PRTFDC1: variants seen among roughly 807,000 people sequenced by gnomAD.
The protein encoded by PRTFDC1 is phosphoribosyl transferase domain containing 1.
PRTFDC1 carries 38 observed loss-of-function variants against 34.6 expected under a neutral mutation model. The ratio of observed to expected loss-of-function variants is 1.10; its 90% CI spans 0.85 to 1.44. The LOEUF (loss-of-function observed/expected upper bound fraction) is 1.44, where lower values mean the gene tolerates loss of function less well. Among genes scored for constraint, PRTFDC1 ranks in the 40% most tolerant of loss-of-function variants. PRTFDC1 has a pLI of 0.00. For synonymous variants in PRTFDC1, 93 were observed against 98.1 expected, an observed-to-expected ratio of 0.95 and a Z score of 0.31; for missense variants, 270 against 283.0, an observed-to-expected ratio of 0.95 and a Z score of 0.33.
chr10:24,881,780 C>T (rs1202706055), intron 3 of PRTFDC1, among the ~76,000 whole-genome samples: 1 of 152,208 alleles, frequency 6.6e-6, no homozygotes, highest in South Asian at 2.1e-4. Context: ...CAATGAACAC[C>T]GACCACCGTT....
At chr10:24,876,840 G>A (rs372417663) in intron 3 of PRTFDC1, among the ~76,000 whole-genome samples, 32 of 63,738 alleles carry the variant, frequency 5.0e-4, no homozygotes, top group East Asian at 3.8e-3. Context: ...CCAACCCCCC[G>A]CCCCCCGACT....
chr10:24,923,270 C>A (rs943837635), intron 3 of PRTFDC1, among the ~76,000 whole-genome samples: 1 of 152,212 alleles, frequency 6.6e-6, no homozygotes, highest in East Asian at 1.9e-4. Flanking sequence ...TAAACATCCC[C>A]GTCTGATAGC....
chr10:24,879,182 C>T (rs1848022954), intron 3 of PRTFDC1, among the ~76,000 whole-genome samples: 1 of 152,098 alleles, frequency 6.6e-6, no homozygotes, highest in African/African-American at 2.4e-5. Flanking sequence ...TCCTCGTTTT[C>T]CAATCACTCG....
intron 3 of PRTFDC1, among the ~76,000 whole-genome samples, chr10:24,906,084 G>A (rs1848530404): frequency 6.6e-6 from 1 of 152,154 alleles, no homozygotes; most frequent in African/African-American, 2.4e-5. Context: ...GGATGTCCAG[G>A]CTGTTCTTTG....
intron 3 of PRTFDC1, among the ~76,000 whole-genome samples, chr10:24,921,242 A>C (rs1848782322): frequency 6.6e-6 from 1 of 152,158 alleles, no homozygotes. Flanking sequence ...AGAATATCAC[A>C]CATTTTCATT....
At chr10:24,940,605 G>C (rs1414569059) in intron 2 of PRTFDC1, among the ~76,000 whole-genome samples, 1 of 152,190 alleles carries the variant, frequency 6.6e-6, no homozygotes, top group East Asian at 1.9e-4. Flanking sequence ...GCTGCTGGTG[G>C]CAATGTAACA....
intron 3 of PRTFDC1, among the ~76,000 whole-genome samples, chr10:24,887,953 G>T (rs558797436): frequency 9.2e-5 from 14 of 152,204 alleles, no homozygotes; most frequent in African/African-American, 2.4e-4. Flanking sequence ...TAGAGACAGG[G>T]TCTCACTATA....
intron 4 of PRTFDC1, 59 bp from the exon 5 acceptor site, chr10:24,858,468 T>C (rs1442560146): frequency 6.4e-7 from 1 of 1,561,114 alleles, no homozygotes; most frequent in Non-Finnish European, 8.8e-7. Flanking sequence ...ACAGGATACA[T>C]ACACATTTTT....
chr10:24,947,830 C>A (rs1451183201), intron 1 of PRTFDC1, among the ~76,000 whole-genome samples: 1 of 151,968 alleles, frequency 6.6e-6, no homozygotes. Flanking sequence ...CAAAGAATCC[C>A]AGACAGGAAT....
At chr10:24,864,571 T>G (rs7071496) in intron 4 of PRTFDC1, among the ~76,000 whole-genome samples, 8,553 of 152,276 alleles carry the variant, frequency 0.056, 480 homozygotes, top group African/African-American at 0.14. Flanking sequence ...TTAGCATTGT[T>G]TTTTAGCAAT....
At chr10:24,933,275 T>A (rs891548327) in intron 3 of PRTFDC1, among the ~76,000 whole-genome samples, 8 of 151,908 alleles carry the variant, frequency 5.3e-5, no homozygotes, top group Non-Finnish European at 7.4e-5. Flanking sequence ...ACTTAAAAAA[T>A]TTTTTAATAA....
chr10:24,908,755 G>C, intron 3 of PRTFDC1: 1 of 1,491,624 alleles, frequency 6.7e-7, no homozygotes, highest in South Asian at 1.3e-5. Flanking sequence ...CGATCAGCCT[G>C]ATCAACCCTA....
intron 3 of PRTFDC1, among the ~76,000 whole-genome samples, chr10:24,907,644 C>A (rs1848558003): frequency 6.6e-6 from 1 of 152,140 alleles, no homozygotes; most frequent in Non-Finnish European, 1.5e-5. Context: ...CACTTCAAGG[C>A]AAATTCCTCA....
chr10:24,859,288 C>T (rs934836639), intron 4 of PRTFDC1, among the ~76,000 whole-genome samples: 1 of 152,142 alleles, frequency 6.6e-6, no homozygotes, highest in Non-Finnish European at 1.5e-5. Context: ...GAGACAGGGT[C>T]CCACTCTGTC....
At chr10:24,853,350 G>A (rs1328449898) in intron 7 of PRTFDC1, among the ~76,000 whole-genome samples, 2 of 151,906 alleles carry the variant, frequency 1.3e-5, no homozygotes, top group African/African-American at 2.4e-5. Context: ...AGTGGCTCAC[G>A]CCTGTAATCC....
intron 3 of PRTFDC1, among the ~76,000 whole-genome samples, chr10:24,901,442 T>G (rs77715437): frequency 0.016 from 2,458 of 152,282 alleles, 27 homozygotes; most frequent in Middle Eastern, 0.048. Flanking sequence ...AAAATGTTTT[T>G]TATTTTAAAG....
At chr10:24,852,311 C>A (rs1342066039) in intron 7 of PRTFDC1, among the ~76,000 whole-genome samples, 1 of 152,068 alleles carries the variant, frequency 6.6e-6, no homozygotes, top group Non-Finnish European at 1.5e-5. Flanking sequence ...TGCCACCATG[C>A]CAGGCTAATT....
At chr10:24,901,512 TCCAGCAGTGTGAAA>T (rs1233553643) in intron 3 of PRTFDC1, among the ~76,000 whole-genome samples, 1 of 151,966 alleles carries the variant, frequency 6.6e-6, no homozygotes, top group Non-Finnish European at 1.5e-5. Context: ...ATTGCTTGAG[TCCAGCAGTGTGAAA>T]CCAGCCTGGG....
At chr10:24,930,889 G>A (rs1049631573) in intron 3 of PRTFDC1, among the ~76,000 whole-genome samples, 5 of 152,064 alleles carry the variant, frequency 3.3e-5, no homozygotes, top group African/African-American at 1.2e-4. Context: ...ACCCTTAAGA[G>A]GTGCTGTTTA....
Sources: allele counts gnomAD v4.1 joint callset (sites outside exome capture counted in the v4.1 genomes callset), GRCh38; gene constraint gnomAD v4.1.1; transcripts MANE v1.5; gene names NCBI Gene and HGNC (gene_info 2026-07-23, HGNC 2026-07-21).